Variants in WRN observed in about 807,000 individuals in gnomAD.
WRN encodes the protein WRN RecQ like helicase, also known as bifunctional 3'-5' exonuclease/ATP-dependent helicase WRN.
In WRN, 149 loss-of-function variants were observed where a neutral mutation model predicts 180.7. The ratio of observed to expected loss-of-function variants is 0.82; its 90% CI spans 0.72 to 0.94. The LOEUF (loss-of-function observed/expected upper bound fraction) is 0.94, where lower values mean the gene tolerates loss of function less well. Ranked by LOEUF, WRN falls within the 40% of genes least tolerant of loss-of-function variation. The probability of loss-of-function intolerance (pLI) is 0.00; values close to 1 mark genes in which losing one functional copy is unlikely to be tolerated. For synonymous variants in WRN, 548 were observed against 568.9 expected, an observed-to-expected ratio of 0.96 and a Z score of 0.52; for missense variants, 1,661 against 1,700.1, an observed-to-expected ratio of 0.98 and a Z score of 0.40.
intron 23 of WRN, 25 bp downstream of exon 23, chr8:31,125,025 A>T: frequency 6.3e-7 from 1 of 1,592,364 alleles, no homozygotes; most frequent in Non-Finnish European, 8.6e-7. Context: ...TTATAGATGG[A>T]CATTCTAAAA....
intron 28 of WRN, among the ~76,000 whole-genome samples, chr8:31,146,225 T>A (rs1277661699): frequency 1.3e-5 from 2 of 151,036 alleles, no homozygotes; most frequent in African/African-American, 4.8e-5. Flanking sequence ...TTATGGTAGA[T>A]TTCCCCTCCT....
chr8:31,150,742 T>C (rs1053052141), intron 31 of WRN, among the ~76,000 whole-genome samples: 1 of 152,226 alleles, frequency 6.6e-6, no homozygotes, highest in African/African-American at 2.4e-5. Flanking sequence ...TGATAAATTA[T>C]AATTTTACAT....
chr8:31,074,083 AT>A (rs552649489), intron 7 of WRN, among the ~76,000 whole-genome samples: 8,526 of 141,546 alleles, frequency 0.06, 221 homozygotes, highest in South Asian at 0.085. Context: ...TGCCCGGCTA[AT>A]TTTTTTTTTT....
intron 5 of WRN, 80 bp downstream of exon 5, chr8:31,065,143 A>AT (rs3087406): frequency 3.0e-4 from 439 of 1,465,342 alleles, no homozygotes; most frequent in Admixed American, 4.8e-4. Flanking sequence ...TGAATGTTAG[A>AT]TTTTTTTTTG....
chr8:31,083,664 A>G (rs371150838), intron 9 of WRN, 35 bp from the exon 10 acceptor site: 82 of 1,553,788 alleles, frequency 5.3e-5, no homozygotes, highest in Non-Finnish European at 6.8e-5. Flanking sequence ...GAAGTCAATT[A>G]TATTGGAAAT....
At chr8:31,135,659 A>G (rs1405058945) in intron 24 of WRN, among the ~76,000 whole-genome samples, 2 of 152,096 alleles carry the variant, frequency 1.3e-5, no homozygotes, top group East Asian at 3.9e-4. Context: ...TATATAGTAG[A>G]TTTTGGTGTG....
At position 31,157,290 on chromosome 8, in the gene WRN, A is replaced by C. The variant is rs193011561; in HGVS notation, c.3820-78A>C. The C allele has an allele frequency of 1.4e-4, 222 of 1,588,880 alleles. No individual in the cohort carries two copies. In the African/African-American group the frequency reaches 2.5e-3, roughly 18 times the overall value. ...TTCACACTGAGCATTTACTACCTGA[A>C]TGTTTTGGACATTTTATTTCCATGA... On this transcript the variant is annotated intron_variant, in intron 32 of 34. Transcript: ENST00000298139.
Position 31,116,346 on chromosome 8 carries a change from T to G in WRN, c.2274-8T>G. ...TATGTTTGCTCTTTTGTTCTTCTTT[T>G]TCTTTAGTTCCCACTGGGAATTTGA... On this transcript the variant is annotated splice_polypyrimidine_tract_variant and splice_region_variant and intron_variant, in intron 19 of 34. Coordinates refer to ENST00000298139, the MANE Select transcript of WRN (RefSeq NM_000553.6). 1.2e-6 allele frequency: 2 copies of G among 1,613,688 alleles called. No homozygotes were observed. The highest frequency in any genetic ancestry group is 1.7e-6 in the Non-Finnish European group (2 of 1,179,826).
chr8:31,143,549 G>C lies in WRN; in HGVS notation c.3310-1G>C, dbSNP rs1802743766. On this transcript the variant is annotated splice_acceptor_variant, in intron 27 of 34. Coordinates refer to ENST00000298139, the MANE Select transcript of WRN (RefSeq NM_000553.6). LOFTEE classifies it high-confidence loss of function. ...ATGGACCTTTATATGTTTAAATGCA[G>C]TCTAACTTGGAGAAGTTATATTCTT... 1.3e-6 allele frequency: 2 copies of C among 1,581,940 alleles called. No homozygotes were observed. The highest frequency in any genetic ancestry group is 2.2e-5 in the East Asian group (1 of 44,452).
chr8:31,147,404 A>T lies in WRN; in HGVS notation c.3500A>T (p.His1167Leu). ...AAATTGGTAGAAGCTAGGCAGAAAC[A>T]TGCCAATAAAATGGATGTTCCCCCA... ...YGKLVEARQK[H>L]ANKMDVPPAI... The change falls in exon 30 of 35, where the codon CAT becomes CTT. Residue 1167 changes from histidine to leucine, a missense_variant. His to Leu is a moderately conservative substitution (Grantham distance 99). Coordinates refer to ENST00000298139, the MANE Select transcript of WRN (RefSeq NM_000553.6). 1.9e-6 allele frequency: 3 copies of T among 1,614,118 alleles called. No individual in the cohort carries two copies. The highest frequency in any genetic ancestry group is 2.5e-6 in the Non-Finnish European group (3 of 1,179,984).
At chr8:31,046,222 G>A (rs1811857063) in intron 1 of WRN, among the ~76,000 whole-genome samples, 1 of 152,082 alleles carries the variant, frequency 6.6e-6, no homozygotes, top group Admixed American at 6.6e-5. Context: ...TACCTTACTT[G>A]CTCCTGTTAA....
At chr8:31,067,207 A>ATTGTGATG in intron 6 of WRN, 25 bp downstream of exon 6, 1 of 1,612,228 alleles carries the variant, frequency 6.2e-7, no homozygotes, top group Non-Finnish European at 8.5e-7. Flanking sequence ...ATCTTTAGAA[A>ATTGTGATG]TTGTGATGTG....
At chr8:31,077,365 C>T (rs536296930) in intron 8 of WRN, among the ~76,000 whole-genome samples, 6 of 151,978 alleles carry the variant, frequency 3.9e-5, no homozygotes, top group Admixed American at 2.6e-4. Context: ...CTCAGCCTCC[C>T]GAGTAGCTGG....
At chr8:31,072,816 A>G (rs56317322) in intron 7 of WRN, among the ~76,000 whole-genome samples, 6,800 of 152,244 alleles carry the variant, frequency 0.045, 180 homozygotes, top group South Asian at 0.08. Flanking sequence ...CAAGCAAACC[A>G]TGCCCCTTCA....
In WRN at chr8:31,081,150, G is replaced by C. The variant is rs745391184; in HGVS notation, c.1123G>C (p.Glu375Gln). ...AGTGGAACGAAAAGAAGATGGATTT[G>C]AAGATGGAGTAGAAGACAACAAATT... ...NKVERKEDGF[E>Q]DGVEDNKLKE... The change falls in exon 9 of 35, where the codon GAA (glutamate) becomes CAA (glutamine). Residue 375 changes from glutamate (E) to glutamine (Q), a missense_variant. Physicochemically the swap from Glu to Gln is conservative, Grantham distance 29. This residue lies in a region of WRN where 500 missense variants were observed against 504.1 expected (regional missense o/e 0.99). Transcript: ENST00000298139. 2.5e-6 allele frequency: 4 copies of C among 1,613,894 alleles called. No homozygotes were observed. The highest frequency in any genetic ancestry group is 3.4e-6 in the Non-Finnish European group (4 of 1,179,974).
intron 7 of WRN, among the ~76,000 whole-genome samples, chr8:31,075,924 A>G (rs1359583152): frequency 6.6e-6 from 1 of 152,176 alleles, no homozygotes; most frequent in Non-Finnish European, 1.5e-5. Flanking sequence ...GCCTAGGTGA[A>G]TAACTGCTGG....
chr8:31,169,869 G>T (rs1396771993), intron 34 of WRN, among the ~76,000 whole-genome samples: 2 of 149,638 alleles, frequency 1.3e-5, no homozygotes, highest in African/African-American at 2.5e-5. Context: ...TAGTCCCAGG[G>T]TTCAGAGTAG....
chr8:31,096,926 A>G (rs1455783715), intron 17 of WRN, 76 bp downstream of exon 17: 20 of 1,325,804 alleles, frequency 1.5e-5, no homozygotes, highest in Admixed American at 5.1e-5. Context: ...TGGACACTGG[A>G]TTTCACTTCT....
At chr8:31,171,419 A>G (rs980704069) in intron 34 of WRN, 7 of 152,330 alleles carry the variant, frequency 4.6e-5, no homozygotes, top group East Asian at 1.9e-4. Flanking sequence ...CAACAAACAT[A>G]TGAAGAAAAG....
Sources: allele counts gnomAD v4.1 joint callset (sites outside exome capture counted in the v4.1 genomes callset), GRCh38; gene constraint gnomAD v4.1.1; regional missense constraint gnomAD v4.1.1; transcripts MANE v1.5; gene names NCBI Gene and HGNC (gene_info 2026-07-23, HGNC 2026-07-21).